UNC13B: variants seen among roughly 807,000 people sequenced by gnomAD.
UNC13B encodes the protein unc-13 homolog B, also known as protein unc-13 homolog B.
Under a neutral mutation model 211.0 loss-of-function variants are expected in UNC13B, and 144 were observed. The ratio of observed to expected loss-of-function variants is 0.68; its 90% confidence interval spans 0.60 to 0.78. The LOEUF (loss-of-function observed/expected upper bound fraction) is 0.78, where lower values mean the gene tolerates loss of function less well. UNC13B is among the 30% of genes least tolerant of loss of function. The pLI is 0.00. For synonymous variants in UNC13B, 709 were observed against 725.8 expected, an observed-to-expected ratio of 0.98 and a Z score of 0.37; for missense variants, 1,777 against 2,002.0, an observed-to-expected ratio of 0.89 and a Z score of 2.14.
chr9:35,382,243 G>T, intron 20 of UNC13B, 114 bp from the exon 21 acceptor site: 5 of 1,405,156 alleles, frequency 3.6e-6, no homozygotes, highest in Non-Finnish European at 4.8e-6. Flanking sequence ...GGCAAGAGAG[G>T]GCAGCAATTG....
At chr9:35,228,615 T>C in intron 2 of UNC13B, among the ~76,000 whole-genome samples, 1 of 152,180 alleles carries the variant, frequency 6.6e-6, no homozygotes, top group Middle Eastern at 3.4e-3. Flanking sequence ...GGGTCATATA[T>C]AAAATTTCTT....
At chr9:35,276,295 G>C (rs1828169979) in intron 7 of UNC13B, among the ~76,000 whole-genome samples, 1 of 136,944 alleles carries the variant, frequency 7.3e-6, no homozygotes, top group Non-Finnish European at 1.5e-5. Flanking sequence ...GACAGAGTGA[G>C]AGCCTGTCTC....
intron 11 of UNC13B, among the ~76,000 whole-genome samples, chr9:35,314,521 G>C (rs1830347979): frequency 6.6e-6 from 1 of 152,120 alleles, no homozygotes; most frequent in Non-Finnish European, 1.5e-5. Flanking sequence ...TGTGTTAGGA[G>C]GTAGGCAGTC....
intron 3 of UNC13B, among the ~76,000 whole-genome samples, chr9:35,233,113 C>T (rs1440646217): frequency 6.6e-6 from 1 of 152,194 alleles, no homozygotes; most frequent in African/African-American, 2.4e-5. Flanking sequence ...TCCTTCTTTA[C>T]ACATGCAGTG....
chr9:35,376,808 C>T (rs1030797634), intron 15 of UNC13B, among the ~76,000 whole-genome samples: 1 of 152,168 alleles, frequency 6.6e-6, no homozygotes, highest in Non-Finnish European at 1.5e-5. Context: ...CTTGTCCTGC[C>T]ATGATGGAGT....
chr9:35,188,041 T>C (rs1024970808), intron 1 of UNC13B, among the ~76,000 whole-genome samples: 21 of 152,228 alleles, frequency 1.4e-4, no homozygotes, highest in African/African-American at 4.8e-4. Context: ...TTTCATTGAC[T>C]CTGAAAAACA....
In UNC13B at chr9:35,334,768, G is replaced by A. The variant is rs1328303102; in HGVS notation, c.9414+20779G>A. ...AAAATATTAGGTGGCCGGGCGCGGT[G>A]GCTCACGCCTGTAATCCCAGCACTT... is the stretch of plus-strand genomic sequence containing the variant. On this transcript the variant is annotated intron_variant, in intron 11 of 39. Coordinates refer to ENST00000635942, the MANE Select transcript of UNC13B (RefSeq NM_001371189.2). Among the ~76,000 whole-genome samples, 6 of 152,210 alleles carry A rather than the reference G, an allele frequency of 3.9e-5. No homozygotes were observed. The South Asian group carries it at 6.2e-4, about 16-fold the overall frequency.
At chr9:35,361,899 G>A (rs964014185) in intron 11 of UNC13B, 20 of 152,234 alleles carry the variant, frequency 1.3e-4, no homozygotes, top group African/African-American at 4.8e-4. Context: ...AGTCTCAGAT[G>A]TGATGGAGAA....
chr9:35,180,927 T>G (rs1821901609), intron 1 of UNC13B, among the ~76,000 whole-genome samples: 1 of 86,672 alleles, frequency 1.2e-5, no homozygotes, highest in Non-Finnish European at 2.4e-5. Context: ...GACCCTGTCT[T>G]TAAAAAAAAA....
chr9:35,337,348 G>A (rs962313283), intron 11 of UNC13B, among the ~76,000 whole-genome samples: 5 of 152,144 alleles, frequency 3.3e-5, no homozygotes, highest in African/African-American at 7.2e-5. Context: ...TATGGCAGAG[G>A]CACAAAGGGC....
At chr9:35,216,345 T>C (rs934046340) in intron 1 of UNC13B, among the ~76,000 whole-genome samples, 5 of 152,120 alleles carry the variant, frequency 3.3e-5, no homozygotes, top group African/African-American at 1.2e-4. Flanking sequence ...AGGAAGAATT[T>C]GAAAGGTAAA....
At chr9:35,381,511 C>T in intron 19 of UNC13B, 45 bp from the exon 20 acceptor site, 2 of 1,566,370 alleles carry the variant, frequency 1.3e-6, no homozygotes, top group Non-Finnish European at 1.7e-6. Flanking sequence ...TTTTGTCTTT[C>T]ATATGTGTTT....
chr9:35,293,525 CTCTGCCCCT>C (rs1438860010), intron 7 of UNC13B, among the ~76,000 whole-genome samples: 2 of 152,146 alleles, frequency 1.3e-5, no homozygotes, highest in Admixed American at 1.3e-4. Flanking sequence ...CCTTTGTTGC[CTCTGCCCCT>C]TCATCTGTAT....
rs1406841222 is a variant in UNC13B, at chr9:35,305,771, G to A, written c.6367G>A (p.Asp2123Asn). The part of the protein sequence containing the change: ...EVSKSNEISF[D>N]TLSKRNSNEQ... ...TTCAAAAAGTAATGAAATATCCTTT[G>A]ATACCCTGAGCAAGAGAAATTCAAA... is the stretch of plus-strand genomic sequence containing the variant. Residue 2123 changes from aspartate (D) to asparagine (N), a missense_variant, in exon 9 of 40, where the codon GAT becomes AAT. Physicochemically the swap from Asp to Asn is conservative, Grantham distance 23 (BLOSUM62 1). Coordinates refer to ENST00000635942, the MANE Select transcript of UNC13B (RefSeq NM_001371189.2). 1.3e-5 allele frequency: 5 copies of A among 398,858 alleles called. No homozygotes were observed. Among genetic ancestry groups the A allele is most frequent in the Middle Eastern group, 6.2e-4 (1 of 1,608 alleles). 24.7% of individuals were successfully genotyped at this position (398,858 alleles called of 1,614,324 possible).
chr9:35,402,326 G>C (rs1317958618), intron 37 of UNC13B, among the ~76,000 whole-genome samples: 10 of 148,344 alleles, frequency 6.7e-5, no homozygotes, highest in Admixed American at 4.1e-4. Flanking sequence ...CTGTCGCCCA[G>C]GCTGGAGTCC....
chr9:35,386,424 G>A (rs1296539416), intron 24 of UNC13B, 131 bp downstream of exon 24: 13 of 1,280,934 alleles, frequency 1.0e-5, no homozygotes, highest in South Asian at 2.9e-5. Context: ...GAGTTGTGGA[G>A]TATGAACCAT....
At chr9:35,231,853 A>C (rs1825221177) in intron 3 of UNC13B, among the ~76,000 whole-genome samples, 1 of 152,058 alleles carries the variant, frequency 6.6e-6, no homozygotes, top group Non-Finnish European at 1.5e-5. Flanking sequence ...CTTTAGTTTC[A>C]GGATTTTTTT....
chr9:35,390,151 C>T (rs1215939689), intron 25 of UNC13B, among the ~76,000 whole-genome samples, 178 bp downstream of exon 25: 1 of 152,126 alleles, frequency 6.6e-6, no homozygotes, highest in Non-Finnish European at 1.5e-5. Flanking sequence ...GGTGTGGAAA[C>T]ATAATGGGGG....
At chr9:35,325,657 C>T (rs1167421768) in intron 11 of UNC13B, among the ~76,000 whole-genome samples, 1 of 152,178 alleles carries the variant, frequency 6.6e-6, no homozygotes, top group Admixed American at 6.5e-5. Flanking sequence ...CACTAGATCA[C>T]ACAACCATCA....
Sources: allele counts gnomAD v4.1 joint callset (sites outside exome capture counted in the v4.1 genomes callset), GRCh38; gene constraint gnomAD v4.1.1; transcripts MANE v1.5; gene names NCBI Gene and HGNC (gene_info 2026-07-23, HGNC 2026-07-21).